NLRP5: variants seen among roughly 807,000 people sequenced by gnomAD.
The protein encoded by NLRP5 is NACHT, LRR and PYD domains-containing protein 5.
Under a neutral mutation model 113.1 loss-of-function variants are expected in NLRP5, and 93 were observed. That is an observed-to-expected ratio of 0.82 (90% CI 0.70 to 0.98). The LOEUF (loss-of-function observed/expected upper bound fraction) is 0.98. Among genes scored for constraint, NLRP5 ranks in the 50% least tolerant of loss-of-function variants. The pLI is 0.00. For missense variants in NLRP5, 1,808 were observed against 1,514.3 expected, an observed-to-expected ratio of 1.19 and a Z score of -3.22; for synonymous variants, 751 against 600.7, an observed-to-expected ratio of 1.25 and a Z score of -3.66.
rs1323242742 is a variant in NLRP5, at chr19:56,058,280, C to T, written c.3340C>T (p.Leu1114Phe). 5 of 1,613,892 alleles carry T rather than the reference C, an allele frequency of 3.1e-6. No individual in the cohort carries two copies. Among genetic ancestry groups the T allele is most frequent in the African/African-American group, 2.7e-5 (2 of 75,040 alleles). Residue 1114 changes from leucine to phenylalanine, a missense_variant, in exon 14 of 15, where the codon CTC (leucine) becomes TTC (phenylalanine). Coordinates refer to ENST00000390649, the MANE Select transcript of NLRP5 (RefSeq NM_153447.4). Reference sequence around the variant, plus strand: ...ACTGACTTCTGATTGCTGTGAGGCACTCTCCTTGGCCCTTTCCTGCAACCG... The same window carrying T: ...ACTGACTTCTGATTGCTGTGAGGCATTCTCCTTGGCCCTTTCCTGCAACCG...
chr19:55,999,688 GC>G, upstream of NLRP5: 1 of 1,495,998 alleles, frequency 6.7e-7, no homozygotes, highest in South Asian at 1.1e-5. Flanking sequence ...GGAGAGCCCA[GC>G]CTTCGATGTT....
At chr19:55,990,035 T>TA in the NLRP5 span, among the ~76,000 whole-genome samples, 23 of 151,656 alleles carry the variant, frequency 1.5e-4, no homozygotes, top group Non-Finnish European at 2.8e-4. Context: ...AACTTTTTTT[T>TA]AAAGTACATT....
intron 4 of NLRP5, 146 bp downstream of exon 4, chr19:56,015,944 G>C: frequency 1.8e-6 from 1 of 550,928 alleles, no homozygotes; most frequent in East Asian, 2.9e-5. Flanking sequence ...TTCCCTAAGA[G>C]ATCTTGGGAT....
intron 12 of NLRP5, among the ~76,000 whole-genome samples, chr19:56,050,863 G>A (rs1175697048): frequency 6.6e-6 from 1 of 152,174 alleles, no homozygotes. Flanking sequence ...CTTGCCCTAA[G>A]TTCATCTTCA....
chr19:56,050,773 G>A (rs781429698), intron 12 of NLRP5, among the ~76,000 whole-genome samples, 185 bp downstream of exon 12: 17 of 152,190 alleles, frequency 1.1e-4, no homozygotes, highest in South Asian at 2.1e-4. Context: ...GGGAAGGGCC[G>A]ATGGAGCCTC....
chr19:56,008,981 T>G, intron 3 of NLRP5, 128 bp downstream of exon 3: 1 of 784,722 alleles, frequency 1.3e-6, no homozygotes, highest in Non-Finnish European at 2.2e-6. Context: ...TACCCTACAT[T>G]AGCTGACCGG....
chr19:56,055,579 T>G (rs1362922354), intron 13 of NLRP5, among the ~76,000 whole-genome samples: 1 of 121,894 alleles, frequency 8.2e-6, no homozygotes, highest in Non-Finnish European at 1.7e-5. Flanking sequence ...AGAGTCTTGC[T>G]CTGTCCCCCA....
At chr19:56,024,750 T>A (rs1404397620) in intron 6 of NLRP5, among the ~76,000 whole-genome samples, 2 of 148,736 alleles carry the variant, frequency 1.3e-5, no homozygotes, top group Non-Finnish European at 3.0e-5. Flanking sequence ...AGACTGCAAC[T>A]GTGTCTCAAA....
intron 1 of NLRP5, 139 bp from the exon 2 acceptor site, chr19:56,003,597 A>C: frequency 1.0e-6 from 1 of 998,672 alleles, no homozygotes. Context: ...GGATAAACAG[A>C]TATTGTGGCA....
intron 11 of NLRP5, 126 bp from the exon 12 acceptor site, chr19:56,050,292 A>T: frequency 2.2e-6 from 2 of 919,302 alleles, no homozygotes; most frequent in South Asian, 3.7e-5. Context: ...AAAAAAAGAA[A>T]AAAAAACAAA....
Position 56,053,736 on chromosome 19 carries a change from C to T in NLRP5, c.3227C>T (p.Ala1076Val), listed in dbSNP as rs749480325. 3 of 1,613,806 alleles carry T rather than the reference C, an allele frequency of 1.9e-6. No individual in the cohort carries two copies. Among genetic ancestry groups the T allele is most frequent in the Admixed American group, 1.7e-5 (1 of 59,984 alleles). ...AAGAGCCTGGATCTCACGGACAATG[C>T]CCTGGGTGACGGTGGGGTTGCTGCG... The change falls in exon 13 of 15, where the codon GCC becomes GTC. Residue 1076 changes from alanine (A) to valine (V), a missense_variant. Ala to Val is a moderately conservative substitution (Grantham distance 64). Coordinates refer to ENST00000390649, the MANE Select transcript of NLRP5 (RefSeq NM_153447.4).
At chr19:55,989,576 G>T in the NLRP5 span, among the ~76,000 whole-genome samples, 1 of 152,132 alleles carries the variant, frequency 6.6e-6, no homozygotes, top group Non-Finnish European at 1.5e-5. Flanking sequence ...ATTTGAAAGA[G>T]CAGCAATATG....
intron 6 of NLRP5, among the ~76,000 whole-genome samples, chr19:56,021,955 A>C (rs1218835197): frequency 6.6e-6 from 1 of 152,168 alleles, no homozygotes; most frequent in South Asian, 2.1e-4. Context: ...AGTGACTAAC[A>C]TTTTGAGCTC....
intron 4 of NLRP5, chr19:56,018,769 G>A (rs1982501104): frequency 6.5e-6 from 1 of 153,862 alleles, no homozygotes; most frequent in Admixed American, 6.4e-5. Context: ...CTGGCTCTAA[G>A]ATCCTAAGAT....
At chr19:56,016,393 T>TC (rs1982404141) in intron 4 of NLRP5, among the ~76,000 whole-genome samples, 1 of 152,126 alleles carries the variant, frequency 6.6e-6, no homozygotes, top group Non-Finnish European at 1.5e-5. Flanking sequence ...CCTCAGGTGA[T>TC]CCACCCACCT....
chr19:56,015,049 T>A (rs769477701), intron 3 of NLRP5, among the ~76,000 whole-genome samples: 1 of 152,188 alleles, frequency 6.6e-6, no homozygotes, highest in Non-Finnish European at 1.5e-5. Context: ...CACAAGGTGG[T>A]CTTTCCATTA....
intron 2 of NLRP5, among the ~76,000 whole-genome samples, chr19:56,007,888 TGCGCGTGCGCGCGTGC>T (rs1241388352): frequency 1.9e-4 from 13 of 67,994 alleles, no homozygotes; most frequent in African/African-American, 4.7e-4. Context: ...TGTGTGTGTG[TGCGCGTGCGCGCGTGC>T]GTGTGTGTGT....
upstream of NLRP5, among the ~76,000 whole-genome samples, chr19:55,998,373 G>A (rs1365828871): frequency 6.6e-6 from 1 of 151,912 alleles, no homozygotes; most frequent in African/African-American, 2.4e-5. Flanking sequence ...TATATATGAG[G>A]CCAGATGTGG....
chr19:56,043,777 C>T lies in NLRP5; in HGVS notation c.2957+2685C>T, dbSNP rs1231932445. Reference sequence around the variant, plus strand: ...TGTTTTTAGTAGAGACAGGGTTTCACCACGTTAGCCAGGATGGTCTCGATC... The same window carrying T: ...TGTTTTTAGTAGAGACAGGGTTTCATCACGTTAGCCAGGATGGTCTCGATC... On this transcript the variant is annotated intron_variant, in intron 11 of 14. Transcript: ENST00000390649. 5.9e-5 allele frequency among the ~76,000 whole-genome samples: 9 copies of T among 151,536 alleles called. No individual in the cohort carries two copies. The East Asian group carries it at 1.8e-3, about 30-fold the overall frequency.
Sources: gnomAD v4.1 joint callset for allele counts (sites outside exome capture counted in the v4.1 genomes callset) on GRCh38, gnomAD v4.1.1 for gene constraint, MANE v1.5 for transcripts, NCBI Gene and HGNC (gene_info 2026-07-23, HGNC 2026-07-21) for gene names.